Variants in TAX1BP1 observed in about 807,000 individuals in gnomAD.
The protein encoded by TAX1BP1 is tax1-binding protein 1.
A neutral mutation model predicts 97.7 loss-of-function variants in TAX1BP1; 62 were observed. That is an observed-to-expected ratio of 0.63 (90% CI 0.52 to 0.78). The LOEUF is 0.78. Among genes scored for constraint, TAX1BP1 ranks in the 30% least tolerant of loss-of-function variants. TAX1BP1 has a pLI of 0.00. For missense variants in TAX1BP1, 867 were observed against 916.1 expected (o/e 0.95, Z 0.69); for synonymous variants, 340 against 304.2 (o/e 1.12, Z -1.23).
intron 4 of TAX1BP1, among the ~76,000 whole-genome samples, chr7:27,767,958 C>G (rs1788702304): frequency 6.6e-6 from 1 of 151,738 alleles, no homozygotes; most frequent in African/African-American, 2.4e-5. Flanking sequence ...AAATGTGAGA[C>G]ATTATCTGGG....
chr7:27,756,512 A>T (rs531354227), intron 2 of TAX1BP1, among the ~76,000 whole-genome samples: 13 of 152,280 alleles, frequency 8.5e-5, no homozygotes, highest in Admixed American at 2.6e-4. Flanking sequence ...GGATGAACTC[A>T]CTTAATACAG....
At chr7:27,810,679 G>GTC (rs1790525012) in intron 13 of TAX1BP1, among the ~76,000 whole-genome samples, 1 of 152,140 alleles carries the variant, frequency 6.6e-6, no homozygotes, top group East Asian at 1.9e-4. Flanking sequence ...CTGAGACAGG[G>GTC]TCTTGCCTTG....
At position 27,787,414 on chromosome 7, in the gene TAX1BP1, A is replaced by G; in HGVS notation, c.853-4A>G. On this transcript the variant is annotated splice_polypyrimidine_tract_variant and splice_region_variant and intron_variant, in intron 7 of 16. Coordinates refer to ENST00000396319, the MANE Select transcript of TAX1BP1 (RefSeq NM_006024.7). Reference sequence around the variant, plus strand: ...ATTCTTGACATTTTCAAACACCATTACAGGTACATTTGAAGAATACAGAAA... The same window carrying G: ...ATTCTTGACATTTTCAAACACCATTGCAGGTACATTTGAAGAATACAGAAA... The G allele has an allele frequency of 2.5e-6, 4 of 1,600,458 alleles. No individual in the cohort carries two copies. The highest frequency in any genetic ancestry group is 3.8e-4 in the Middle Eastern group (2 of 5,230).
At chr7:27,806,903 T>G (rs1790361675) in intron 13 of TAX1BP1, among the ~76,000 whole-genome samples, 2 of 152,164 alleles carry the variant, frequency 1.3e-5, no homozygotes, top group African/African-American at 4.8e-5. Context: ...ATGGGATGTT[T>G]TGTTCAAATC....
At chr7:27,790,482 T>C (rs998236471) in intron 8 of TAX1BP1, among the ~76,000 whole-genome samples, 4 of 152,160 alleles carry the variant, frequency 2.6e-5, no homozygotes, top group African/African-American at 9.6e-5. Flanking sequence ...TCTATTGATT[T>C]TTTTATTCCC....
rs1356588248 is a variant in TAX1BP1 at position 27,769,672 on chromosome 7, A to G, written c.454-4A>G. The G allele has an allele frequency of 1.9e-6, 3 of 1,595,376 alleles. No homozygotes were observed. Among genetic ancestry groups the G allele is most frequent in the East Asian group, 2.2e-5 (1 of 44,624 alleles). On this transcript the variant is annotated splice_polypyrimidine_tract_variant and splice_region_variant and intron_variant, in intron 4 of 16. Coordinates refer to ENST00000396319, the MANE Select transcript of TAX1BP1 (RefSeq NM_006024.7). ...CTAATTAATCTGAGTTTTTTGCTTT[A>G]TAGTTGAAAATTGAGAAAACCATGA...
chr7:27,816,803 C>G, intron 14 of TAX1BP1, 87 bp from the exon 15 acceptor site: 1 of 1,495,576 alleles, frequency 6.7e-7, no homozygotes, highest in Non-Finnish European at 9.1e-7. Flanking sequence ...CAAAGTGGTT[C>G]TTTATATCCT....
At chr7:27,811,550 A>G (rs1185646267) in intron 13 of TAX1BP1, among the ~76,000 whole-genome samples, 1 of 151,712 alleles carries the variant, frequency 6.6e-6, no homozygotes, top group African/African-American at 2.4e-5. Flanking sequence ...TAAATTTTTC[A>G]TTCTTATATC....
chr7:27,814,679 A>G (rs985286527), intron 13 of TAX1BP1, among the ~76,000 whole-genome samples: 1 of 152,152 alleles, frequency 6.6e-6, no homozygotes, highest in African/African-American at 2.4e-5. Flanking sequence ...TAGAAATACA[A>G]TTGATTTTAC....
chr7:27,778,580 A>G (rs540948573), intron 5 of TAX1BP1, among the ~76,000 whole-genome samples: 14 of 152,144 alleles, frequency 9.2e-5, no homozygotes, highest in African/African-American at 3.4e-4. Context: ...AACTTATACA[A>G]TTGGCCAGGT....
intron 2 of TAX1BP1, among the ~76,000 whole-genome samples, chr7:27,752,465 C>T (rs1452294101): frequency 6.6e-6 from 1 of 152,122 alleles, no homozygotes; most frequent in Non-Finnish European, 1.5e-5. Flanking sequence ...CCAGAAGTGG[C>T]TGTCATTCAA....
intron 3 of TAX1BP1, among the ~76,000 whole-genome samples, chr7:27,760,744 T>C (rs544548535): frequency 3.2e-4 from 48 of 152,334 alleles, no homozygotes; most frequent in African/African-American, 9.9e-4. Flanking sequence ...GTTTTTGTTA[T>C]AGTCGCTAAG....
chr7:27,803,662 C>G (rs1220157724), intron 13 of TAX1BP1, among the ~76,000 whole-genome samples: 1 of 152,078 alleles, frequency 6.6e-6, no homozygotes, highest in South Asian at 2.1e-4. Context: ...GTATTCATCA[C>G]CACCATGTGC....
chr7:27,749,897 T>A (rs1787959637), intron 2 of TAX1BP1, among the ~76,000 whole-genome samples: 1 of 152,146 alleles, frequency 6.6e-6, no homozygotes, highest in Non-Finnish European at 1.5e-5. Flanking sequence ...GCTCAAGTGA[T>A]CCTTTCCCCG....
chr7:27,802,918 A>ATAGT (rs952582918), intron 13 of TAX1BP1, among the ~76,000 whole-genome samples: 1 of 152,216 alleles, frequency 6.6e-6, no homozygotes, highest in African/African-American at 2.4e-5. Flanking sequence ...AACCAAAGGA[A>ATAGT]TAGTTTTAAG....
intron 13 of TAX1BP1, among the ~76,000 whole-genome samples, chr7:27,811,554 T>G (rs1790560387): frequency 6.6e-6 from 1 of 152,062 alleles, no homozygotes; most frequent in Admixed American, 6.6e-5. Flanking sequence ...TTTTTCATTC[T>G]TATATCCTTT....
At chr7:27,819,243 C>G (rs1453639850) in intron 15 of TAX1BP1, among the ~76,000 whole-genome samples, 1 of 150,574 alleles carries the variant, frequency 6.6e-6, no homozygotes, top group Non-Finnish European at 1.5e-5. Flanking sequence ...TATTTGTCTT[C>G]TAACAAATTT....
chr7:27,795,798 G>A (rs1053509542), intron 11 of TAX1BP1, among the ~76,000 whole-genome samples: 3 of 152,106 alleles, frequency 2.0e-5, no homozygotes, highest in Admixed American at 6.6e-5. Context: ...GCCTCGACCC[G>A]CCTTGGCCTC....
chr7:27,741,014 G>T (rs911168742), intron 1 of TAX1BP1, among the ~76,000 whole-genome samples: 1 of 152,208 alleles, frequency 6.6e-6, no homozygotes, highest in Non-Finnish European at 1.5e-5. Context: ...TGAGCTTAGC[G>T]TGCGTCTGTG....
Sources: gnomAD v4.1 joint callset for allele counts (sites outside exome capture counted in the v4.1 genomes callset) on GRCh38, gnomAD v4.1.1 for gene constraint, MANE v1.5 for transcripts, NCBI Gene and HGNC (gene_info 2026-07-23, HGNC 2026-07-21) for gene names.